CALN1: variants seen among roughly 807,000 people sequenced by gnomAD.
CALN1 encodes the protein calneuron 1.
Under a neutral mutation model 30.6 loss-of-function variants are expected in CALN1, and 17 were observed. That is an observed-to-expected ratio of 0.56 (90% CI 0.38 to 0.83). CALN1 has a LOEUF of 0.83. CALN1 is among the 40% of genes least tolerant of loss of function. CALN1 has a pLI of 0.00. For synonymous variants in CALN1, 156 were observed against 131.4 expected (o/e 1.19, Z -1.28); for missense variants, 291 against 354.9 (o/e 0.82, Z 1.45).
intron 3 of CALN1, among the ~76,000 whole-genome samples, chr7:72,239,983 T>G (rs1014648342): frequency 3.3e-5 from 5 of 152,134 alleles, no homozygotes; most frequent in African/African-American, 9.7e-5. Context: ...AACCAAGCTT[T>G]AAGTTTAAAT....
At chr7:72,447,076 C>G (rs980038567), upstream of CALN1, 2 of 155,790 alleles carry the variant, frequency 1.3e-5, no homozygotes, top group Non-Finnish European at 2.9e-5. Context: ...CTCCAAGATC[C>G]ATGGCTGGGA....
chr7:71,977,298 C>T (rs934895775), intron 5 of CALN1, among the ~76,000 whole-genome samples: 6 of 152,030 alleles, frequency 3.9e-5, no homozygotes, highest in Admixed American at 6.6e-5. Context: ...GCTGGCACAG[C>T]GGCATGCACC....
At chr7:72,136,024 T>C (rs1246524364) in intron 3 of CALN1, among the ~76,000 whole-genome samples, 1 of 151,944 alleles carries the variant, frequency 6.6e-6, no homozygotes, top group Admixed American at 6.6e-5. Flanking sequence ...TCCCAGCTAC[T>C]TGGGAGGCTG....
intron 3 of CALN1, among the ~76,000 whole-genome samples, chr7:72,132,890 C>T (rs538043784): frequency 2.6e-5 from 4 of 152,222 alleles, no homozygotes; most frequent in Middle Eastern, 3.4e-3. Context: ...AGGTGAGCAG[C>T]GGGCGAGTGA....
chr7:72,489,256 A>G, the CALN1 span, among the ~76,000 whole-genome samples: 2 of 152,308 alleles, frequency 1.3e-5, no homozygotes, highest in East Asian at 3.9e-4. Flanking sequence ...CTTGACCAAA[A>G]AGAATCACGA....
intron 3 of CALN1, among the ~76,000 whole-genome samples, chr7:72,232,169 A>G (rs1248917027): frequency 2.6e-5 from 4 of 152,190 alleles, no homozygotes; most frequent in African/African-American, 9.7e-5. Flanking sequence ...GGGAGCAGAG[A>G]GGATGTAGGA....
chr7:72,382,926 C>A (rs1259449649), intron 2 of CALN1, among the ~76,000 whole-genome samples: 1 of 152,126 alleles, frequency 6.6e-6, no homozygotes, highest in Non-Finnish European at 1.5e-5. Flanking sequence ...GTAGCTGGGA[C>A]TACAGGTGCA....
intron 2 of CALN1, among the ~76,000 whole-genome samples, chr7:72,382,098 A>G (rs1329014208): frequency 6.6e-6 from 1 of 152,182 alleles, no homozygotes; most frequent in Non-Finnish European, 1.5e-5. Context: ...AACAAAACAA[A>G]AATGCAAGCC....
chr7:72,352,250 G>A (rs975091335), intron 2 of CALN1, among the ~76,000 whole-genome samples: 20 of 152,032 alleles, frequency 1.3e-4, no homozygotes, highest in African/African-American at 4.1e-4. Flanking sequence ...TTAGCCAGGC[G>A]TGGTGGCACA....
chr7:72,441,752 C>T (rs1054027405), intron 1 of CALN1, among the ~76,000 whole-genome samples: 6 of 152,026 alleles, frequency 3.9e-5, no homozygotes, highest in Non-Finnish European at 5.9e-5. Context: ...GGTTTCTGGT[C>T]ATCTTTTTAA....
chr7:72,220,011 T>C (rs1002420809), intron 3 of CALN1, among the ~76,000 whole-genome samples: 2 of 107,232 alleles, frequency 1.9e-5, no homozygotes, highest in Admixed American at 1.0e-4. Context: ...AGCAACCAAA[T>C]TGGCAACAAT....
chr7:72,224,860 A>G (rs936482703), intron 3 of CALN1, among the ~76,000 whole-genome samples: 1 of 151,964 alleles, frequency 6.6e-6, no homozygotes. Flanking sequence ...AAGTCGAGGC[A>G]GGTGAATCAC....
intron 4 of CALN1, among the ~76,000 whole-genome samples, chr7:72,053,121 T>C (rs961828000): frequency 2.0e-5 from 3 of 152,114 alleles, no homozygotes; most frequent in Admixed American, 1.3e-4. Flanking sequence ...TCCCAGCTAC[T>C]CGGGAGGCTG....
At chr7:71,806,140 A>G (rs952265388) in intron 6 of CALN1, among the ~76,000 whole-genome samples, 5 of 152,118 alleles carry the variant, frequency 3.3e-5, no homozygotes, top group African/African-American at 1.2e-4. Flanking sequence ...GGTGCTGCAA[A>G]CCACCATGGC....
chr7:71,864,322 G>C (rs1791466435), intron 5 of CALN1, among the ~76,000 whole-genome samples: 1 of 152,146 alleles, frequency 6.6e-6, no homozygotes, highest in Non-Finnish European at 1.5e-5. Context: ...CCCAAATCAG[G>C]TGAAGTCTGT....
chr7:72,264,309 C>T (rs1281298051), intron 3 of CALN1, among the ~76,000 whole-genome samples: 1 of 152,132 alleles, frequency 6.6e-6, no homozygotes, highest in Non-Finnish European at 1.5e-5. Flanking sequence ...CTCTGCTCAG[C>T]TCATAAGAAC....
At chr7:71,860,289 C>T (rs1439848853) in intron 5 of CALN1, among the ~76,000 whole-genome samples, 1 of 151,400 alleles carries the variant, frequency 6.6e-6, no homozygotes, top group African/African-American at 2.4e-5. Context: ...ACCTCCTGGG[C>T]TCAAGCGATT....
At chr7:71,878,774 G>GTTGTA (rs1792399474) in intron 5 of CALN1, among the ~76,000 whole-genome samples, 1 of 152,164 alleles carries the variant, frequency 6.6e-6, no homozygotes, top group South Asian at 2.1e-4. Context: ...CAATAGTAAT[G>GTTGTA]ATTACAACTG....
chr7:71,809,434 C>A (rs1787805490), intron 6 of CALN1, among the ~76,000 whole-genome samples: 1 of 114,548 alleles, frequency 8.7e-6, no homozygotes. Flanking sequence ...GACAGCTTCC[C>A]AACTATGTAT....
Sources: allele counts gnomAD v4.1 joint callset (sites outside exome capture counted in the v4.1 genomes callset), GRCh38; gene constraint gnomAD v4.1.1; transcripts MANE v1.5; gene names NCBI Gene and HGNC (gene_info 2026-07-23, HGNC 2026-07-21).